The following RUNDC3B variants were observed in gnomAD, a reference collection of about 807,000 sequenced individuals.
RUNDC3B encodes RUN domain containing 3B.
Under a neutral mutation model 58.4 loss-of-function variants are expected in RUNDC3B, and 33 were observed. The ratio of observed to expected loss-of-function variants is 0.56; its 90% CI spans 0.43 to 0.75. RUNDC3B has a LOEUF of 0.75. RUNDC3B is among the 30% of genes least tolerant of loss of function. RUNDC3B has a pLI of 0.00. For missense variants in RUNDC3B, 501 were observed against 535.7 expected, an observed-to-expected ratio of 0.94 and a Z score of 0.64; for synonymous variants, 193 against 195.2, an observed-to-expected ratio of 0.99 and a Z score of 0.10.
At chr7:87,693,330 G>C (rs1828185041) in intron 2 of RUNDC3B, among the ~76,000 whole-genome samples, 1 of 152,116 alleles carries the variant, frequency 6.6e-6, no homozygotes, top group Non-Finnish European at 1.5e-5. Flanking sequence ...ATATCTAAGT[G>C]CTGCTCTCTA....
intron 8 of RUNDC3B, among the ~76,000 whole-genome samples, chr7:87,786,825 T>G (rs1047000836): frequency 3.3e-5 from 5 of 152,180 alleles, no homozygotes; most frequent in African/African-American, 1.2e-4. Flanking sequence ...ACCTGAGTTA[T>G]GATTCTGTCG....
rs1832328925 is a variant in RUNDC3B at position 87,741,596 on chromosome 7, GAT to G, written c.629+20_629+21del. 3.6e-6 allele frequency: 5 copies of G among 1,408,140 alleles called. No individual in the cohort carries two copies. Among genetic ancestry groups the G allele is most frequent in the Non-Finnish European group, 4.9e-6 (5 of 1,010,494 alleles). The allele number at this position is 1,408,140 out of a possible 1,614,324, so 87.2% of individuals were successfully genotyped here. A position where few individuals can be genotyped will look rare whatever the true frequency, so the allele number is the denominator to read the frequency against. On this transcript the variant is annotated intron_variant, in intron 6 of 10. Transcript: ENST00000394654. ...TATCCAAAGGTATGTGACATTTTGA[GAT>G]ATGTTTTTTAAAATCTTATTTAAAA...
chr7:87,779,795 T>C (rs1053849975), intron 8 of RUNDC3B, among the ~76,000 whole-genome samples: 1 of 151,886 alleles, frequency 6.6e-6, no homozygotes, highest in Admixed American at 6.6e-5. Flanking sequence ...TCCTCTCCCT[T>C]CTCATAGTCC....
At chr7:87,749,652 A>G (rs1832847187) in intron 6 of RUNDC3B, among the ~76,000 whole-genome samples, 1 of 152,244 alleles carries the variant, frequency 6.6e-6, no homozygotes, top group Admixed American at 6.5e-5. Flanking sequence ...TTTTAAGAAA[A>G]CATCAGTCCC....
At chr7:87,710,161 T>C (rs1363832952) in intron 3 of RUNDC3B, among the ~76,000 whole-genome samples, 2 of 152,190 alleles carry the variant, frequency 1.3e-5, no homozygotes, top group Non-Finnish European at 2.9e-5. Flanking sequence ...GATGTTAGAC[T>C]GATTATTTTC....
chr7:87,717,288 T>A (rs1020005406), intron 4 of RUNDC3B, among the ~76,000 whole-genome samples: 10 of 151,942 alleles, frequency 6.6e-5, no homozygotes, highest in African/African-American at 1.9e-4. Context: ...AAAATACAAA[T>A]TATAAATGAA....
chr7:87,731,970 C>T (rs1831604292), intron 4 of RUNDC3B, among the ~76,000 whole-genome samples: 1 of 152,178 alleles, frequency 6.6e-6, no homozygotes, highest in African/African-American at 2.4e-5. Context: ...AATTCACATT[C>T]TTCTCCTCAG....
chr7:87,812,391 T>G (rs1473586644), intron 9 of RUNDC3B, among the ~76,000 whole-genome samples: 1 of 152,082 alleles, frequency 6.6e-6, no homozygotes, highest in Non-Finnish European at 1.5e-5. Flanking sequence ...GGCGGATCAC[T>G]TGAGGTCAGG....
chr7:87,696,580 G>A lies in RUNDC3B; in HGVS notation c.239-3841G>A, dbSNP rs1354184726. ...AAAGCTTGTTTGGAGGTTCTAGCAA[G>A]AGAATCTACCTTCTCTTGAAGAATA... On this transcript the variant is annotated intron_variant, in intron 2 of 10. Coordinates refer to ENST00000394654, the MANE Select transcript of RUNDC3B (RefSeq NM_001134405.2). Among the ~76,000 whole-genome samples the A allele has an allele frequency of 2.6e-5, 4 of 152,152 alleles. 1 individual carries two copies. Among genetic ancestry groups the A allele is most frequent in the Non-Finnish European group, 5.9e-5 (4 of 68,018 alleles).
intron 1 of RUNDC3B, among the ~76,000 whole-genome samples, chr7:87,630,005 T>A (rs1287164553): frequency 1.3e-5 from 2 of 152,104 alleles, no homozygotes; most frequent in Non-Finnish European, 2.9e-5. Flanking sequence ...TTTCTTTAAG[T>A]CTTATATCTG....
intron 2 of RUNDC3B, among the ~76,000 whole-genome samples, chr7:87,665,143 C>A (rs1393676473): frequency 6.6e-6 from 1 of 152,054 alleles, no homozygotes; most frequent in Non-Finnish European, 1.5e-5. Context: ...CAAGTTAGAA[C>A]ATAAGAAGTT....
intron 2 of RUNDC3B, among the ~76,000 whole-genome samples, chr7:87,656,114 T>G (rs1354778260): frequency 2.0e-5 from 3 of 152,122 alleles, no homozygotes; most frequent in Non-Finnish European, 4.4e-5. Flanking sequence ...TTTTGGGTAT[T>G]GTTATAGCAA....
At chr7:87,629,727 C>G (rs1041519611) in intron 1 of RUNDC3B, among the ~76,000 whole-genome samples, 27 of 151,772 alleles carry the variant, frequency 1.8e-4, no homozygotes, top group Non-Finnish European at 4.4e-5. Flanking sequence ...GAGTTCGAGA[C>G]CAGCCTGGCC....
chr7:87,814,504 T>G (rs1836919617), intron 9 of RUNDC3B, among the ~76,000 whole-genome samples: 1 of 152,134 alleles, frequency 6.6e-6, no homozygotes, highest in Admixed American at 6.5e-5. Flanking sequence ...GACTAACAGG[T>G]TTAAATCTAA....
intron 8 of RUNDC3B, among the ~76,000 whole-genome samples, chr7:87,807,016 A>G (rs566733862): frequency 6.6e-6 from 1 of 152,030 alleles, no homozygotes; most frequent in Non-Finnish European, 1.5e-5. Flanking sequence ...TGGAATCTTT[A>G]CTTATTAAAT....
At chr7:87,750,405 G>A (rs1015190921) in intron 6 of RUNDC3B, among the ~76,000 whole-genome samples, 20 of 151,298 alleles carry the variant, frequency 1.3e-4, no homozygotes, top group African/African-American at 4.8e-4. Flanking sequence ...GTAATGGGAT[G>A]GCTGGGTCAA....
intron 2 of RUNDC3B, among the ~76,000 whole-genome samples, chr7:87,667,347 A>G (rs1003192119): frequency 2.0e-5 from 3 of 150,750 alleles, no homozygotes; most frequent in Non-Finnish European, 4.4e-5. Context: ...GTATCCTGCA[A>G]CTTTGCTGGA....
chr7:87,704,780 T>C (rs1299824795), intron 3 of RUNDC3B, among the ~76,000 whole-genome samples: 1 of 152,212 alleles, frequency 6.6e-6, no homozygotes, highest in Non-Finnish European at 1.5e-5. Flanking sequence ...GAAGAGTCTG[T>C]GGAGAAAGAT....
intron 6 of RUNDC3B, among the ~76,000 whole-genome samples, chr7:87,750,634 G>A (rs1584098056): frequency 6.6e-6 from 1 of 151,880 alleles, no homozygotes; most frequent in East Asian, 1.9e-4. Context: ...GGCCAGTGAT[G>A]GTGAGCATTT....
Sources: gnomAD v4.1 joint callset for allele counts (sites outside exome capture counted in the v4.1 genomes callset) on GRCh38, gnomAD v4.1.1 for gene constraint, MANE v1.5 for transcripts, NCBI Gene and HGNC (gene_info 2026-07-23, HGNC 2026-07-21) for gene names.